The following SPATS2 variants were observed in gnomAD, a reference collection of about 807,000 sequenced individuals.
SPATS2 encodes the protein spermatogenesis associated serine rich 2.
SPATS2 carries 38 observed loss-of-function variants against 63.7 expected under a neutral mutation model. The ratio of observed to expected loss-of-function variants is 0.60; its 90% CI spans 0.46 to 0.78. The LOEUF is 0.78. Among genes scored for constraint, SPATS2 ranks in the 30% least tolerant of loss-of-function variants. SPATS2 has a pLI of 0.00. For synonymous variants in SPATS2, 207 were observed against 232.9 expected, an observed-to-expected ratio of 0.89 and a Z score of 1.01; for missense variants, 588 against 666.2, an observed-to-expected ratio of 0.88 and a Z score of 1.29.
intron 2 of SPATS2, among the ~76,000 whole-genome samples, chr12:49,429,748 G>T (rs953517744): frequency 2.0e-5 from 3 of 149,578 alleles, no homozygotes; most frequent in Admixed American, 6.7e-5. Context: ...GAGCCACTGT[G>T]CCTGGCCTAG....
At chr12:49,440,299 T>C (rs556568826) in intron 2 of SPATS2, among the ~76,000 whole-genome samples, 1 of 152,292 alleles carries the variant, frequency 6.6e-6, no homozygotes, top group South Asian at 2.1e-4. Flanking sequence ...TATTTCCTGA[T>C]GTACAGCTCC....
chr12:49,526,223 A>G lies in SPATS2; in HGVS notation c.1606A>G (p.Arg536Gly). ...AAAGGGGCTCCCCCAGCGCAAACCC[A>G]GGACCTCTCAGACTGAAGCCGTGAA... is the stretch of plus-strand genomic sequence containing the variant. ...FKKGLPQRKP[R>G]TSQTEAVNS Residue 536 changes from arginine to glycine, a missense_variant, in exon 14 of 14, where the codon AGG (arginine) becomes GGG (glycine). Physicochemically the swap from Arg to Gly is moderately radical, Grantham distance 125. Coordinates refer to ENST00000552918, the MANE Select transcript of SPATS2 (RefSeq NM_023071.4). 6.2e-7 allele frequency: 1 copy of G among 1,613,768 alleles called. No individual in the cohort carries two copies. Among genetic ancestry groups the G allele is most frequent in the Non-Finnish European group, 8.5e-7 (1 of 1,179,856 alleles).
At chr12:49,474,870 C>T (rs1010084410) in intron 3 of SPATS2, among the ~76,000 whole-genome samples, 1 of 152,186 alleles carries the variant, frequency 6.6e-6, no homozygotes, top group African/African-American at 2.4e-5. Context: ...TACAGTTCCA[C>T]GTGACTGGGG....
At chr12:49,488,101 A>G (rs1196889388) in intron 4 of SPATS2, among the ~76,000 whole-genome samples, 3 of 151,382 alleles carry the variant, frequency 2.0e-5, no homozygotes, top group Non-Finnish European at 2.9e-5. Flanking sequence ...CTGCCATGCA[A>G]TGGCGCGATC....
chr12:49,456,526 G>C (rs1945722112), intron 2 of SPATS2, among the ~76,000 whole-genome samples: 2 of 152,224 alleles, frequency 1.3e-5, no homozygotes, highest in Admixed American at 1.3e-4. Flanking sequence ...CTGCCAGAGA[G>C]CTTTCAGCAG....
intron 2 of SPATS2, among the ~76,000 whole-genome samples, chr12:49,375,651 G>A (rs1592337150): frequency 6.6e-6 from 1 of 152,160 alleles, no homozygotes; most frequent in African/African-American, 2.4e-5. Context: ...TGCATGTCCT[G>A]CAGGAGCCCT....
chr12:49,431,185 A>G (rs547432725), intron 2 of SPATS2, among the ~76,000 whole-genome samples: 30 of 152,250 alleles, frequency 2.0e-4, no homozygotes, highest in African/African-American at 7.2e-4. Flanking sequence ...GTTTTTATAT[A>G]TGTGCAAACC....
intron 9 of SPATS2, among the ~76,000 whole-genome samples, chr12:49,509,128 G>A (rs1226187034): frequency 6.6e-6 from 1 of 151,838 alleles, no homozygotes; most frequent in Non-Finnish European, 1.5e-5. Context: ...TCCTTAAACA[G>A]ATTATAAAAT....
chr12:49,376,779 G>A (rs1436684862), intron 2 of SPATS2, among the ~76,000 whole-genome samples: 2 of 141,140 alleles, frequency 1.4e-5, no homozygotes, highest in African/African-American at 5.3e-5. Context: ...GTGCAGTGGT[G>A]CGATCTCAGC....
At chr12:49,473,614 C>T (rs375025030) in intron 3 of SPATS2, among the ~76,000 whole-genome samples, 28 of 152,286 alleles carry the variant, frequency 1.8e-4, no homozygotes, top group African/African-American at 6.7e-4. Flanking sequence ...TTGAAAACAG[C>T]ATTGTTTGTA....
chr12:49,377,896 A>G (rs1003723640), intron 2 of SPATS2, among the ~76,000 whole-genome samples: 1 of 152,170 alleles, frequency 6.6e-6, no homozygotes, highest in Admixed American at 6.6e-5. Flanking sequence ...CTCTGAGCCT[A>G]TGTTTCTGTA....
At chr12:49,378,261 G>GTTTATTTTAT (rs199537085) in intron 2 of SPATS2, among the ~76,000 whole-genome samples, 5,444 of 144,210 alleles carry the variant, frequency 0.038, 147 homozygotes, top group South Asian at 0.055. Context: ...TTGAGTTAAT[G>GTTTATTTTAT]TTTATTTTAT....
rs1435414654 is a variant in SPATS2 at position 49,484,818 on chromosome 12, T to C, written c.105+149T>C. ...TATATCAGAGAGTGACGGCCATAAA[T>C]AGGTTCTGATTGCGCAGAACCTATT... On this transcript the variant is annotated intron_variant, in intron 4 of 13. Transcript: ENST00000552918. 7 of 653,020 alleles carry C rather than the reference T, an allele frequency of 1.1e-5. No individual in the cohort carries two copies. In the Admixed American group the frequency reaches 1.7e-4, roughly 16 times the overall value. The allele number at this position is 653,020 out of a possible 1,614,324, so 40.5% of individuals were successfully genotyped here. A position where few individuals can be genotyped will look rare whatever the true frequency, so the allele number is the denominator to read the frequency against.
chr12:49,372,388 T>C (rs1944013759), intron 2 of SPATS2, among the ~76,000 whole-genome samples: 1 of 152,204 alleles, frequency 6.6e-6, no homozygotes, highest in African/African-American at 2.4e-5. Flanking sequence ...ATATGCTACC[T>C]GAAGGTAGCA....
chr12:49,449,493 C>T (rs1017836322), intron 2 of SPATS2, among the ~76,000 whole-genome samples: 6 of 152,178 alleles, frequency 3.9e-5, no homozygotes, highest in Non-Finnish European at 8.8e-5. Flanking sequence ...GGATTACAGG[C>T]GTGAGCCACC....
intron 2 of SPATS2, among the ~76,000 whole-genome samples, chr12:49,418,987 A>G (rs1424464958): frequency 3.3e-5 from 5 of 152,168 alleles, no homozygotes; most frequent in East Asian, 1.9e-4. Flanking sequence ...TTTGGGATTA[A>G]CATTCTATAC....
chr12:49,400,287 G>A (rs975976254), intron 2 of SPATS2, among the ~76,000 whole-genome samples: 4 of 152,150 alleles, frequency 2.6e-5, no homozygotes, highest in Admixed American at 6.5e-5. Flanking sequence ...TAATCAGGAA[G>A]CAAAAGCCTC....
At chr12:49,389,589 C>T in intron 2 of SPATS2, 1 of 1,057,728 alleles carries the variant, frequency 9.5e-7, no homozygotes, top group Non-Finnish European at 1.5e-6. Flanking sequence ...CACGACGATG[C>T]AGCAGAAACT....
At chr12:49,467,687 G>A (rs953281494) in intron 3 of SPATS2, among the ~76,000 whole-genome samples, 2 of 152,002 alleles carry the variant, frequency 1.3e-5, no homozygotes, top group Admixed American at 6.6e-5. Context: ...TCTGGGGATG[G>A]TACACTAGAC....
Sources: allele counts gnomAD v4.1 joint callset (sites outside exome capture counted in the v4.1 genomes callset), GRCh38; gene constraint gnomAD v4.1.1; transcripts MANE v1.5; gene names NCBI Gene and HGNC (gene_info 2026-07-23, HGNC 2026-07-21).